GABBR2: variants seen among roughly 807,000 people sequenced by gnomAD.
GABBR2 encodes gamma-aminobutyric acid type B receptor subunit 2, also known as G-protein coupled receptor 51.
Under a neutral mutation model 105.6 loss-of-function variants are expected in GABBR2, and 23 were observed. The ratio of observed to expected loss-of-function variants is 0.22; its 90% CI spans 0.16 to 0.31. The LOEUF is 0.31. Among genes scored for constraint, GABBR2 ranks in the 10% least tolerant of loss-of-function variants. The pLI is 1.00. For synonymous variants in GABBR2, 478 were observed against 499.7 expected (o/e 0.96, Z 0.58); for missense variants, 734 against 1,245.5 (o/e 0.59, Z 6.18).
chr9:98,607,799 A>G, intron 1 of GABBR2: 5 of 820,580 alleles, frequency 6.1e-6, no homozygotes, highest in Non-Finnish European at 1.1e-5. Flanking sequence ...GATAACAACA[A>G]GAATAAAGGG....
intron 12 of GABBR2, among the ~76,000 whole-genome samples, chr9:98,363,535 C>T (rs2131446962): frequency 6.6e-6 from 1 of 152,218 alleles, no homozygotes; most frequent in South Asian, 2.1e-4. Context: ...CTCCAGAATT[C>T]ACATCCTCAA....
At chr9:98,574,570 A>T (rs1828882659) in intron 2 of GABBR2, among the ~76,000 whole-genome samples, 1 of 152,244 alleles carries the variant, frequency 6.6e-6, no homozygotes, top group Non-Finnish European at 1.5e-5. Context: ...TGAATTCCTG[A>T]ACCAGAGAAA....
chr9:98,704,086 C>T (rs1830865483), intron 1 of GABBR2, among the ~76,000 whole-genome samples: 1 of 152,118 alleles, frequency 6.6e-6, no homozygotes, highest in African/African-American at 2.4e-5. Flanking sequence ...TCACCAGCTG[C>T]CTCTCTCAAA....
intron 1 of GABBR2, among the ~76,000 whole-genome samples, chr9:98,596,229 T>G (rs145357723): frequency 8.5e-4 from 129 of 152,366 alleles, no homozygotes; most frequent in African/African-American, 3.1e-3. Context: ...CATTATGCTG[T>G]TATGGTGAAG....
intron 17 of GABBR2, 89 bp downstream of exon 17, chr9:98,299,135 C>T: frequency 8.8e-7 from 1 of 1,135,144 alleles, no homozygotes; most frequent in South Asian, 1.3e-5. Context: ...CTGTCTGAGC[C>T]TCAGTTTCTT....
intron 1 of GABBR2, among the ~76,000 whole-genome samples, chr9:98,662,146 C>A (rs528860841): frequency 6.6e-6 from 1 of 152,316 alleles, no homozygotes; most frequent in African/African-American, 2.4e-5. Context: ...ACCTAAGGAA[C>A]TGGCTTCAGA....
At chr9:98,597,757 G>C (rs990170069) in intron 1 of GABBR2, among the ~76,000 whole-genome samples, 1 of 151,994 alleles carries the variant, frequency 6.6e-6, no homozygotes, top group African/African-American at 2.4e-5. Context: ...GGAGGGGAAG[G>C]GTAGATGATT....
intron 13 of GABBR2, among the ~76,000 whole-genome samples, chr9:98,331,376 T>C (rs551320369): frequency 8.0e-5 from 12 of 150,558 alleles, no homozygotes; most frequent in African/African-American, 2.9e-4. Context: ...CTTTGAAGAC[T>C]TGGGGGAAAA....
chr9:98,343,772 G>A (rs1831255806), intron 13 of GABBR2, among the ~76,000 whole-genome samples: 1 of 151,966 alleles, frequency 6.6e-6, no homozygotes, highest in Non-Finnish European at 1.5e-5. Context: ...GCAGGAGAAT[G>A]TCGTGAACCC....
intron 1 of GABBR2, among the ~76,000 whole-genome samples, chr9:98,636,844 G>A (rs1414093902): frequency 6.6e-6 from 1 of 152,078 alleles, no homozygotes; most frequent in Non-Finnish European, 1.5e-5. Context: ...ATGTTCCTTT[G>A]GGCCAATCTC....
intron 3 of GABBR2, among the ~76,000 whole-genome samples, chr9:98,528,083 C>T (rs960562084): frequency 1.3e-5 from 2 of 152,026 alleles, no homozygotes; most frequent in Non-Finnish European, 2.9e-5. Context: ...TTAATGTTAC[C>T]TGTTTCTTTT....
intron 3 of GABBR2, among the ~76,000 whole-genome samples, chr9:98,508,242 G>A (rs1311871801): frequency 6.6e-6 from 1 of 152,214 alleles, no homozygotes; most frequent in Non-Finnish European, 1.5e-5. Flanking sequence ...ACACCTGAGA[G>A]CACCAAAGCA....
intron 5 of GABBR2, among the ~76,000 whole-genome samples, chr9:98,479,028 G>T (rs577365051): frequency 1.1e-4 from 16 of 152,162 alleles, no homozygotes; most frequent in Admixed American, 2.0e-4. Context: ...GTTATTTCTG[G>T]ACCCTACGTA....
At chr9:98,625,944 C>T (rs148391228) in intron 1 of GABBR2, among the ~76,000 whole-genome samples, 2 of 151,746 alleles carry the variant, frequency 1.3e-5, no homozygotes, top group East Asian at 3.9e-4. Context: ...GCCTTCAAAG[C>T]CTGACGTACC....
intron 1 of GABBR2, among the ~76,000 whole-genome samples, chr9:98,601,235 G>C (rs1652847044): frequency 6.6e-6 from 1 of 152,264 alleles, no homozygotes; most frequent in South Asian, 2.1e-4. Context: ...ACAAAACATG[G>C]GCTGGGTGCA....
chr9:98,367,073 T>C (rs1831690048), intron 12 of GABBR2, among the ~76,000 whole-genome samples: 1 of 152,068 alleles, frequency 6.6e-6, no homozygotes, highest in Non-Finnish European at 1.5e-5. Flanking sequence ...AAGTCACACG[T>C]GTTAATAGCC....
intron 6 of GABBR2, among the ~76,000 whole-genome samples, chr9:98,460,984 G>A (rs530650117): frequency 1.3e-5 from 2 of 152,276 alleles, no homozygotes; most frequent in South Asian, 4.1e-4. Context: ...AGAAGACAAT[G>A]GAATGACATC....
At chr9:98,305,510 A>G (rs1422283837) in intron 15 of GABBR2, among the ~76,000 whole-genome samples, 1 of 152,240 alleles carries the variant, frequency 6.6e-6, no homozygotes, top group Non-Finnish European at 1.5e-5. Flanking sequence ...AGTTATGGCC[A>G]TATCTTAAAA....
At chr9:98,319,423 T>G (rs958824329) in intron 13 of GABBR2, among the ~76,000 whole-genome samples, 1 of 150,804 alleles carries the variant, frequency 6.6e-6, no homozygotes, top group South Asian at 2.1e-4. Flanking sequence ...ATTTTTTTTG[T>G]AGAATGTTAT....
Sources: allele counts gnomAD v4.1 joint callset (sites outside exome capture counted in the v4.1 genomes callset), GRCh38; gene constraint gnomAD v4.1.1; transcripts MANE v1.5; gene names NCBI Gene and HGNC (gene_info 2026-07-23, HGNC 2026-07-21).